The following IGF2BP2 variants were observed in gnomAD, a reference collection of about 807,000 sequenced individuals.
IGF2BP2 encodes the protein insulin-like growth factor 2 mRNA-binding protein 2.
IGF2BP2 carries 17 observed loss-of-function variants against 75.8 expected under a neutral mutation model. The observed-to-expected ratio is 0.22, with a 90% CI of 0.15 to 0.34. IGF2BP2 has a LOEUF of 0.34. IGF2BP2 is among the 10% of genes least tolerant of loss of function. The pLI is 1.00. For missense variants in IGF2BP2, 516 were observed against 772.4 expected (o/e 0.67, Z 3.93); for synonymous variants, 288 against 295.6 (o/e 0.97, Z 0.26).
At chr3:185,793,273 C>T (rs1368097603) in intron 2 of IGF2BP2, among the ~76,000 whole-genome samples, 1 of 152,100 alleles carries the variant, frequency 6.6e-6, no homozygotes, top group Non-Finnish European at 1.5e-5. Flanking sequence ...TCACCTTTCT[C>T]GCTGGTGGCC....
chr3:185,729,836 T>C (rs541575579), intron 2 of IGF2BP2: 2 of 152,330 alleles, frequency 1.3e-5, no homozygotes, highest in African/African-American at 2.4e-5. Context: ...ACCAAAATAA[T>C]GTATTGCATC....
At chr3:185,777,158 T>G (rs932122638) in intron 2 of IGF2BP2, among the ~76,000 whole-genome samples, 6 of 152,178 alleles carry the variant, frequency 3.9e-5, no homozygotes, top group Non-Finnish European at 8.8e-5. Context: ...GTCAATAGCT[T>G]CTTGGAAACT....
At chr3:185,771,017 C>G (rs768853160) in intron 2 of IGF2BP2, among the ~76,000 whole-genome samples, 3 of 152,148 alleles carry the variant, frequency 2.0e-5, no homozygotes, top group Non-Finnish European at 2.9e-5. Flanking sequence ...ACCCAAAATG[C>G]TGAAATTATA....
chr3:185,820,299 A>C (rs948742989), intron 2 of IGF2BP2, among the ~76,000 whole-genome samples: 6 of 151,442 alleles, frequency 4.0e-5, no homozygotes, highest in African/African-American at 1.2e-4. Context: ...ACCTTCAACA[A>C]CACCAAAAAT....
At chr3:185,762,532 C>CA (rs550663727) in intron 2 of IGF2BP2, among the ~76,000 whole-genome samples, 6,444 of 90,772 alleles carry the variant, frequency 0.071, 271 homozygotes, top group South Asian at 0.27. Flanking sequence ...AGCTCGGTCT[C>CA]AAAAAAAAAA....
intron 2 of IGF2BP2, among the ~76,000 whole-genome samples, chr3:185,795,049 C>A (rs1737176479): frequency 6.6e-6 from 1 of 152,106 alleles, no homozygotes; most frequent in African/African-American, 2.4e-5. Flanking sequence ...AGGCGCCCAC[C>A]ACCTCGCCCG....
chr3:185,807,365 A>G (rs1408082884), intron 2 of IGF2BP2, among the ~76,000 whole-genome samples: 1 of 152,224 alleles, frequency 6.6e-6, no homozygotes, highest in Non-Finnish European at 1.5e-5. Context: ...TGAAATGGGG[A>G]TAACAGTATC....
At chr3:185,661,135 A>G (rs1235840944) in intron 10 of IGF2BP2, among the ~76,000 whole-genome samples, 1 of 152,230 alleles carries the variant, frequency 6.6e-6, no homozygotes, top group Non-Finnish European at 1.5e-5. Context: ...TGAACTTGCA[A>G]TCAGGAGCTT....
chr3:185,821,169 A>G, intron 2 of IGF2BP2: 1 of 1,441,730 alleles, frequency 6.9e-7, no homozygotes, highest in African/African-American at 1.4e-5. Context: ...TAAACTAATA[A>G]AGGAAAGGAA....
At chr3:185,705,232 G>GC (rs1344630097) in intron 2 of IGF2BP2, among the ~76,000 whole-genome samples, 1 of 152,224 alleles carries the variant, frequency 6.6e-6, no homozygotes, top group Admixed American at 6.5e-5. Context: ...GAGTAGCTGG[G>GC]ACTACAGGTG....
chr3:185,812,857 T>C (rs1224039738), intron 2 of IGF2BP2, among the ~76,000 whole-genome samples: 1 of 152,158 alleles, frequency 6.6e-6, no homozygotes, highest in Non-Finnish European at 1.5e-5. Flanking sequence ...AAAACTGCCA[T>C]AGAGAATAAA....
chr3:185,649,367 G>T, intron 14 of IGF2BP2, 36 bp downstream of exon 14: 1 of 1,609,496 alleles, frequency 6.2e-7, no homozygotes, highest in South Asian at 1.1e-5. Flanking sequence ...CGGGGAATCT[G>T]ACCCAGGTGA....
chr3:185,784,509 G>C (rs1735615714), intron 2 of IGF2BP2, among the ~76,000 whole-genome samples: 1 of 152,172 alleles, frequency 6.6e-6, no homozygotes, highest in Non-Finnish European at 1.5e-5. Context: ...CTGCTCTTTA[G>C]GGGCCCTCCA....
chr3:185,682,587 G>A (rs777835593), intron 7 of IGF2BP2, among the ~76,000 whole-genome samples: 4 of 152,214 alleles, frequency 2.6e-5, no homozygotes, highest in East Asian at 3.9e-4. Flanking sequence ...CTCCCATAAC[G>A]AAAGAATCAA....
intron 7 of IGF2BP2, among the ~76,000 whole-genome samples, chr3:185,677,060 T>TAG (rs1719604597): frequency 1.5e-4 from 8 of 52,836 alleles, no homozygotes; most frequent in African/African-American, 4.4e-4. Context: ...TATATATATA[T>TAG]ATATATATAG....
chr3:185,823,112 A>T (rs766948079), intron 2 of IGF2BP2, 41 bp downstream of exon 2: 1 of 1,382,244 alleles, frequency 7.2e-7, no homozygotes, highest in African/African-American at 1.5e-5. Context: ...ACTTATACGT[A>T]AGGCCAATCG....
intron 2 of IGF2BP2, among the ~76,000 whole-genome samples, chr3:185,807,456 G>C (rs555085843): frequency 1.3e-5 from 2 of 152,292 alleles, no homozygotes; most frequent in Admixed American, 1.3e-4. Flanking sequence ...TATTACTACT[G>C]TTATAAGAAA....
At chr3:185,729,085 A>G (rs1413263127) in intron 2 of IGF2BP2, among the ~76,000 whole-genome samples, 4 of 152,180 alleles carry the variant, frequency 2.6e-5, no homozygotes, top group Non-Finnish European at 5.9e-5. Context: ...TGTCCTTGAC[A>G]AAGCAGTAAA....
chr3:185,701,844 T>C (rs1216181613), intron 2 of IGF2BP2, among the ~76,000 whole-genome samples: 1 of 152,156 alleles, frequency 6.6e-6, no homozygotes, highest in Non-Finnish European at 1.5e-5. Flanking sequence ...TTTGGGAGAC[T>C]ATCCTGAGGG....
Sources: allele counts gnomAD v4.1 joint callset (sites outside exome capture counted in the v4.1 genomes callset), GRCh38; gene constraint gnomAD v4.1.1; transcripts MANE v1.5; gene names NCBI Gene and HGNC (gene_info 2026-07-23, HGNC 2026-07-21).